Variants in PANK1 observed in about 807,000 individuals in gnomAD.
PANK1 encodes the protein pantothenate kinase 1.
Under a neutral mutation model 40.1 loss-of-function variants are expected in PANK1, and 18 were observed. The observed-to-expected ratio is 0.45, with a 90% CI of 0.31 to 0.67. The LOEUF is 0.67. Among genes scored for constraint, PANK1 ranks in the 30% least tolerant of loss-of-function variants. The pLI is 0.06. For missense variants in PANK1, 457 were observed against 599.6 expected, an observed-to-expected ratio of 0.76 and a Z score of 2.48; for synonymous variants, 242 against 237.7, an observed-to-expected ratio of 1.02 and a Z score of -0.17.
At chr10:89,638,954 A>T (rs1245389740) in intron 1 of PANK1, among the ~76,000 whole-genome samples, 1 of 152,200 alleles carries the variant, frequency 6.6e-6, no homozygotes, top group Non-Finnish European at 1.5e-5. Flanking sequence ...TAGGCTTTTC[A>T]TAGCCTGCTT....
At chr10:89,587,729 T>A (rs1844246063) in intron 6 of PANK1, among the ~76,000 whole-genome samples, 1 of 152,206 alleles carries the variant, frequency 6.6e-6, no homozygotes, top group Admixed American at 6.5e-5. Flanking sequence ...TTTTAAGGTA[T>A]AATAAAATGG....
chr10:89,643,584 T>C, intron 1 of PANK1: 2 of 764,478 alleles, frequency 2.6e-6, no homozygotes, highest in Non-Finnish European at 4.4e-6. Flanking sequence ...AAGGTGTTAT[T>C]TGCCAAACAT....
In PANK1 at chr10:89,611,824, T is replaced by G. The variant is rs750305809; in HGVS notation, c.517A>C (p.Ile173Leu). Reference protein sequence around the residue: ...MCGRKGNLHFIRFPSCAMHRF... With the variant: ...MCGRKGNLHFLRFPSCAMHRF... ...TGCATAGCACAGCTGGGAAAGCGGA[T>G]GAAGTGCAGGTTCCCTTTGCGTCCA... The change falls in exon 2 of 7, where the codon ATC becomes CTC. Residue 173 changes from isoleucine (I) to leucine (L), a missense_variant. Physicochemically the swap from Ile to Leu is conservative, Grantham distance 5 (BLOSUM62 2). This residue lies in a region of PANK1 where 286 missense variants were observed against 415.8 expected (regional missense o/e 0.69). Transcript: ENST00000307534. 1 of 1,614,222 alleles carries G rather than the reference T, an allele frequency of 6.2e-7. No homozygotes were observed. The highest frequency in any genetic ancestry group is 2.2e-5 in the East Asian group (1 of 44,888).
Position 89,644,760 on chromosome 10 carries a change from G to A in PANK1, c.132C>T (p.His44=), listed in dbSNP as rs1589828734. ...CGCCCACTGGACCCCGGCTGCAGAC[G>A]TGCGGCGGCTGGACTGGCGGCGGAT... is the stretch of plus-strand genomic sequence containing the variant. ...GFHPPPVQPP[H]VCSRGPVGGS... Residue 44 remains histidine, a synonymous_variant, in exon 1 of 7, where the codon CAC becomes CAT. Transcript: ENST00000307534. 3 of 1,511,096 alleles carry A rather than the reference G, an allele frequency of 2.0e-6. No individual in the cohort carries two copies. In the East Asian group the frequency reaches 7.9e-5, roughly 40 times the overall value. 93.6% of individuals were successfully genotyped at this position (1,511,096 alleles called of 1,614,324 possible).
At chr10:89,581,232 T>TA (rs529694632), downstream of PANK1, 142 of 152,228 alleles carry the variant, frequency 9.3e-4, no homozygotes, top group Middle Eastern at 3.4e-3. Context: ...TGGCACAGAG[T>TA]AACTTCTTAA....
intron 5 of PANK1, among the ~76,000 whole-genome samples, chr10:89,592,337 G>T (rs1844421124): frequency 6.6e-6 from 1 of 152,182 alleles, no homozygotes; most frequent in East Asian, 1.9e-4. Context: ...CTGAGAGGGG[G>T]CTCAAGGGGC....
At chr10:89,600,264 C>G (rs1490891491) in intron 2 of PANK1, among the ~76,000 whole-genome samples, 2 of 152,118 alleles carry the variant, frequency 1.3e-5, no homozygotes, top group Non-Finnish European at 2.9e-5. Flanking sequence ...ATTCAGAAAG[C>G]AACAAAAATG....
chr10:89,600,846 TAA>T (rs1337632143), intron 2 of PANK1, among the ~76,000 whole-genome samples: 1 of 152,208 alleles, frequency 6.6e-6, no homozygotes, highest in Non-Finnish European at 1.5e-5. Flanking sequence ...GAAGATAATT[TAA>T]GAGACCCAAT....
intron 3 of PANK1, among the ~76,000 whole-genome samples, chr10:89,598,825 G>T (rs966090553): frequency 6.6e-6 from 1 of 152,178 alleles, no homozygotes; most frequent in Non-Finnish European, 1.5e-5. Context: ...GACATAGTTT[G>T]GTTTGCTGTT....
chr10:89,623,359 C>A (rs1214088729), intron 1 of PANK1, among the ~76,000 whole-genome samples: 1 of 151,828 alleles, frequency 6.6e-6, no homozygotes, highest in East Asian at 1.9e-4. Flanking sequence ...GTAGCTGGGA[C>A]TACAGGCACC....
chr10:89,610,995 AAG>A (rs1491012643), intron 2 of PANK1, among the ~76,000 whole-genome samples: 1 of 152,212 alleles, frequency 6.6e-6, no homozygotes, highest in African/African-American at 2.4e-5. Flanking sequence ...CTAAAAAAAA[AAG>A]AGAGAAACAT....
rs146312738 is a variant in PANK1 at position 89,627,550 on chromosome 10, G to T, written c.293-15502C>A. On this transcript the variant is annotated intron_variant, in intron 1 of 6. Coordinates refer to ENST00000307534, the MANE Select transcript of PANK1 (RefSeq NM_148977.3). ...CAGGTATTTATTTTGTTCCTAGACG[G>T]TGTGAGGCACTCTGCTAAACAGTCA... Among the ~76,000 whole-genome samples the T allele has an allele frequency of 8.1e-4, 124 of 152,276 alleles. No homozygotes were observed. The East Asian group carries it at 0.023, about 28-fold the overall frequency.
intron 1 of PANK1, among the ~76,000 whole-genome samples, chr10:89,629,285 G>A (rs1408756377): frequency 1.3e-5 from 2 of 152,106 alleles, no homozygotes; most frequent in African/African-American, 2.4e-5. Context: ...CATCCCCTGA[G>A]GTTATAGGCA....
chr10:89,596,536 A>C (rs1237864388), intron 3 of PANK1, among the ~76,000 whole-genome samples: 2 of 152,248 alleles, frequency 1.3e-5, no homozygotes, highest in South Asian at 2.1e-4. Flanking sequence ...GCATGGCTGC[A>C]GAAGAGCCAA....
chr10:89,593,901 C>T lies in PANK1; in HGVS notation c.988G>A (p.Asp330Asn), dbSNP rs780297087. Residue 330 changes from aspartate (D) to asparagine (N), a missense_variant, in exon 4 of 7, where the codon GAC becomes AAC. Asp to Asn is a conservative substitution (Grantham distance 23). Around this residue, in one of 4 missense-constraint regions of PANK1, gnomAD observed 286 missense variants for 415.8 expected, o/e 0.69. Transcript: ENST00000307534. The part of the protein sequence containing the change: ...EEALEMAAKG[D>N]STNVDKLVKD... ...ACCAGTTTATCAACATTGGTGCTGT[C>T]GCCTTTAGCTGCCATTTCCAGAGCT... 3.7e-6 allele frequency: 6 copies of T among 1,613,446 alleles called. No homozygotes were observed. Among genetic ancestry groups the T allele is most frequent in the Middle Eastern group, 1.6e-4 (1 of 6,084 alleles).
chr10:89,592,334 G>A (rs1385843684), intron 5 of PANK1, among the ~76,000 whole-genome samples: 1 of 152,144 alleles, frequency 6.6e-6, no homozygotes, highest in South Asian at 2.1e-4. Context: ...CAACTGAGAG[G>A]GGGCTCAAGG....
rs1417063885 is a variant in PANK1, at chr10:89,625,520, CCT to C, written c.293-13474_293-13473del. Among the ~76,000 whole-genome samples the C allele has an allele frequency of 7.2e-5, 11 of 152,132 alleles. No homozygotes were observed. The East Asian group carries it at 9.6e-4, about 13-fold the overall frequency. ...TTCCCTAGATGGGCTCCTCTCTCCC[CCT>C]GACTGCCATCTTAAAAGTAAGCATA... On this transcript the variant is annotated intron_variant, in intron 1 of 6. Transcript: ENST00000307534.
At chr10:89,599,132 G>T in intron 3 of PANK1, 120 bp downstream of exon 3, 3 of 834,692 alleles carry the variant, frequency 3.6e-6, no homozygotes, top group Non-Finnish European at 5.7e-6. Flanking sequence ...AATTCTTTTT[G>T]GTTGGCCAAG....
rs376058601 is a variant in PANK1, at chr10:89,596,001, A to G, written c.900-2012T>C. Among the ~76,000 whole-genome samples, 88 of 151,382 alleles carry G rather than the reference A, an allele frequency of 5.8e-4. 2 individuals are homozygous for G. In the South Asian group the frequency reaches 0.018, roughly 31 times the overall value. Reference sequence around the variant, plus strand: ...ATACCCAAACTGTAGATGCAGTTCCATGAGTAAAGGAAGAGGTCCATGTAC... The same window carrying G: ...ATACCCAAACTGTAGATGCAGTTCCGTGAGTAAAGGAAGAGGTCCATGTAC... On this transcript the variant is annotated intron_variant, in intron 3 of 6. Coordinates refer to ENST00000307534, the MANE Select transcript of PANK1 (RefSeq NM_148977.3).
Sources: gnomAD v4.1 joint callset for allele counts (sites outside exome capture counted in the v4.1 genomes callset) on GRCh38, gnomAD v4.1.1 for gene constraint, gnomAD v4.1.1 regional missense constraint, MANE v1.5 for transcripts, NCBI Gene and HGNC (gene_info 2026-07-23, HGNC 2026-07-21) for gene names.